PCDHGA5: variants seen among roughly 807,000 people sequenced by gnomAD.
PCDHGA5 encodes protocadherin gamma subfamily A, 5.
Under a neutral mutation model 56.7 loss-of-function variants are expected in PCDHGA5, and 36 were observed. That is an observed-to-expected ratio of 0.64 (90% CI 0.49 to 0.84). PCDHGA5 has a LOEUF of 0.84. PCDHGA5 is among the 40% of genes least tolerant of loss of function. The pLI is 0.00. For missense variants in PCDHGA5, 1,305 were observed against 1,201.5 expected (o/e 1.09, Z -1.27); for synonymous variants, 563 against 520.2 (o/e 1.08, Z -1.12).
At position 141,489,786 on chromosome 5, in the gene PCDHGA5, G is replaced by A. The variant is rs758119518; in HGVS notation, c.2422-5021G>A. 8.7e-6 allele frequency: 14 copies of A among 1,614,194 alleles called. No individual in the cohort carries two copies. Among genetic ancestry groups the A allele is most frequent in the Non-Finnish European group, 1.2e-5 (14 of 1,180,014 alleles). ...CCAACAGCCACTTCTCTCTGAATGTGAAGACCCTAAAAGATGGGAAGCCAT... is the reference window on the plus strand; with the variant it reads ...CCAACAGCCACTTCTCTCTGAATGTAAAGACCCTAAAAGATGGGAAGCCAT... On this transcript the variant is annotated intron_variant, in intron 1 of 3. Transcript: ENST00000518069. This position sits in a 1 kb window ranked among gnomAD's most constrained non-coding sequence, Gnocchi z 4.5.
intron 1 of PCDHGA5, chr5:141,405,058 T>C (rs1174407561): frequency 1.2e-6 from 2 of 1,613,912 alleles, no homozygotes; most frequent in East Asian, 2.2e-5. Flanking sequence ...TCGTCTCCTG[T>C]GTCTTCCTCA....
At position 141,487,635 on chromosome 5, in the gene PCDHGA5, A is replaced by C. The variant is rs1594699829; in HGVS notation, c.2422-7172A>C. 1.2e-6 allele frequency: 2 copies of C among 1,614,204 alleles called. No individual in the cohort carries two copies. Among genetic ancestry groups the C allele is most frequent in the Non-Finnish European group, 1.7e-6 (2 of 1,180,034 alleles). On this transcript the variant is annotated intron_variant, in intron 1 of 3. Transcript: ENST00000518069. The surrounding 1 kb of genome is among the most constrained non-coding windows in gnomAD (Gnocchi z 5.0). Reference sequence around the variant, plus strand: ...CTAGAGGTGAGACCTTTGCAGGCTCAACAAATGCTTGAGGGTTATTCTGAT... The same window carrying C: ...CTAGAGGTGAGACCTTTGCAGGCTCCACAAATGCTTGAGGGTTATTCTGAT...
At chr5:141,400,227 C>A (rs760084071) in intron 1 of PCDHGA5, 2 of 1,614,052 alleles carry the variant, frequency 1.2e-6, no homozygotes, top group Non-Finnish European at 1.7e-6. Flanking sequence ...TGCTCTTCCT[C>A]CTGGCCGTGA....
intron 1 of PCDHGA5, chr5:141,376,347 A>G (rs1218451115): frequency 6.2e-7 from 1 of 1,614,056 alleles, no homozygotes; most frequent in Non-Finnish European, 8.5e-7. Flanking sequence ...ACCTATTCCC[A>G]CGAGGTCTCA....
intron 1 of PCDHGA5, among the ~76,000 whole-genome samples, chr5:141,462,783 T>A (rs1313584666): frequency 6.6e-6 from 1 of 152,236 alleles, no homozygotes; most frequent in Non-Finnish European, 1.5e-5. Flanking sequence ...CATAATTTGT[T>A]GCTTATTTGC....
At chr5:141,465,812 T>A (rs533291720) in intron 1 of PCDHGA5, among the ~76,000 whole-genome samples, 1 of 152,082 alleles carries the variant, frequency 6.6e-6, no homozygotes, top group South Asian at 2.1e-4. Flanking sequence ...TTCAGGATCT[T>A]GATCACATTT....
intron 1 of PCDHGA5, chr5:141,409,449 C>A (rs1317609642): frequency 6.2e-7 from 1 of 1,613,934 alleles, no homozygotes; most frequent in South Asian, 1.1e-5. Flanking sequence ...GAGCAGACAC[C>A]AGAATACAAT....
chr5:141,383,880 T>A, intron 1 of PCDHGA5: 2 of 1,613,994 alleles, frequency 1.2e-6, no homozygotes, highest in Non-Finnish European at 1.7e-6. Context: ...GTCCTGGTAG[T>A]CTGACAAAGG....
At position 141,486,785 on chromosome 5, in the gene PCDHGA5, C is replaced by T. The variant is rs763174232; in HGVS notation, c.2422-8022C>T. 1.2e-5 allele frequency: 20 copies of T among 1,614,102 alleles called. No homozygotes were observed. The highest frequency in any genetic ancestry group is 5.3e-5 in the African/African-American group (4 of 74,936). On this transcript the variant is annotated intron_variant, in intron 1 of 3. Transcript: ENST00000518069. This position sits in a 1 kb window ranked among gnomAD's most constrained non-coding sequence, Gnocchi z 5.0. ...GACACTGCAGTTTGAGGTGCAGGCC[C>T]GGGATCGGGGCAACCCACCCCTTAG...
rs777247531 is a variant in PCDHGA5 at position 141,476,417 on chromosome 5, C to T, written c.2422-18390C>T. 3 of 1,614,112 alleles carry T rather than the reference C, an allele frequency of 1.9e-6. No homozygotes were observed. Among genetic ancestry groups the T allele is most frequent in the Admixed American group, 1.7e-5 (1 of 60,018 alleles). The stretch of plus-strand genomic sequence containing the variant: ...GGATCGAGAGGAGCTGTGTGGGACA[C>T]TGCCCTCTTGCACTGTAACTCTGGA... On this transcript the variant is annotated intron_variant, in intron 1 of 3. Coordinates refer to ENST00000518069, the MANE Select transcript of PCDHGA5 (RefSeq NM_018918.3). The surrounding 1 kb of genome is among the most constrained non-coding windows in gnomAD (Gnocchi z 7.6).
chr5:141,394,066 A>T (rs1589216611), intron 1 of PCDHGA5: 1 of 1,613,738 alleles, frequency 6.2e-7, no homozygotes, highest in Admixed American at 1.7e-5. Context: ...GTCTCTATCT[A>T]CAATATCACA....
chr5:141,374,975 A>G (rs770625909), intron 1 of PCDHGA5: 2 of 1,613,964 alleles, frequency 1.2e-6, no homozygotes, highest in Non-Finnish European at 8.5e-7. Context: ...GAATGTTTTG[A>G]CTGGAGAAAT....
chr5:141,418,840 C>A, intron 1 of PCDHGA5: 1 of 1,614,006 alleles, frequency 6.2e-7, no homozygotes, highest in Non-Finnish European at 8.5e-7. Context: ...GAGGATCTCT[C>A]TCAACACGGT....
intron 1 of PCDHGA5, among the ~76,000 whole-genome samples, chr5:141,472,994 A>AAAAG (rs1425445230): frequency 1.3e-5 from 2 of 151,692 alleles, no homozygotes; most frequent in Non-Finnish European, 2.9e-5. Context: ...AAAAAAAAAA[A>AAAAG]AAAGAAAGAA....
intron 1 of PCDHGA5, chr5:141,419,345 C>T (rs111954647): frequency 6.2e-6 from 10 of 1,613,858 alleles, no homozygotes; most frequent in African/African-American, 2.7e-5. Flanking sequence ...TGCCAGCGAC[C>T]TGGAGTCACG....
At chr5:141,470,302 C>A (rs996558051) in intron 1 of PCDHGA5, among the ~76,000 whole-genome samples, 5 of 152,188 alleles carry the variant, frequency 3.3e-5, no homozygotes, top group African/African-American at 1.2e-4. Context: ...GTTTTTATTC[C>A]ATTTTTCCTC....
rs1562059777 is a variant in PCDHGA5, at chr5:141,477,098, G to C, written c.2422-17709G>C. 6.2e-7 allele frequency: 1 copy of C among 1,614,242 alleles called. No individual in the cohort carries two copies. Among genetic ancestry groups the C allele is most frequent in the Non-Finnish European group, 8.5e-7 (1 of 1,180,046 alleles). ...GATTTACATCCAGGCCAAAGACAAG[G>C]GCGCCAATCCCGAAGGAGCACATTG... On this transcript the variant is annotated intron_variant, in intron 1 of 3. Transcript: ENST00000518069. This position sits in a 1 kb window ranked among gnomAD's most constrained non-coding sequence, Gnocchi z 4.9.
At chr5:141,377,625 G>GT (rs1774202160) in intron 1 of PCDHGA5, 1 of 150,730 alleles carries the variant, frequency 6.6e-6, no homozygotes, top group South Asian at 2.1e-4. Flanking sequence ...AAAAGATTTT[G>GT]TTTTTTCTCA....
Position 141,365,394 on chromosome 5 carries a change from C to G in PCDHGA5, c.1064C>G (p.Ser355Trp), listed in dbSNP as rs1245270195. Residue 355 changes from serine (S) to tryptophan (W), a missense_variant, in exon 1 of 4, where the codon TCG becomes TGG. Coordinates refer to ENST00000518069, the MANE Select transcript of PCDHGA5 (RefSeq NM_018918.3). ...PEVILTSLTS[S>W]ISEDCLPGTV... ...GTGATCCTCACCTCTCTGACCAGTT[C>G]GATCTCTGAAGACTGTCTTCCCGGA... 6.2e-7 allele frequency: 1 copy of G among 1,613,942 alleles called. No individual in the cohort carries two copies. The highest frequency in any genetic ancestry group is 1.7e-5 in the Admixed American group (1 of 60,012).
Sources: gnomAD v4.1 joint callset for allele counts (sites outside exome capture counted in the v4.1 genomes callset) on GRCh38, gnomAD v4.1.1 for gene constraint, Gnocchi (gnomAD v3.1) non-coding constraint, MANE v1.5 for transcripts, NCBI Gene and HGNC (gene_info 2026-07-23, HGNC 2026-07-21) for gene names.